ZNF423: variants seen among roughly 807,000 people sequenced by gnomAD.
The protein encoded by ZNF423 is zinc finger protein 423.
In ZNF423, 12 loss-of-function variants were observed where a neutral mutation model predicts 95.8. The ratio of observed to expected loss-of-function variants is 0.13; its 90% CI spans 0.08 to 0.20. The LOEUF (loss-of-function observed/expected upper bound fraction) is 0.20, where lower values mean the gene tolerates loss of function less well. ZNF423 is among the 10% of genes least tolerant of loss of function. ZNF423 has a pLI of 1.00. For synonymous variants in ZNF423, 749 were observed against 711.9 expected, an observed-to-expected ratio of 1.05 and a Z score of -0.83; for missense variants, 1,316 against 1,737.1, an observed-to-expected ratio of 0.76 and a Z score of 4.31.
At chr16:49,833,957 G>A (rs140038351) in intron 1 of ZNF423, among the ~76,000 whole-genome samples, 27 of 152,284 alleles carry the variant, frequency 1.8e-4, no homozygotes, top group African/African-American at 6.5e-4. Context: ...AGGATGGAGC[G>A]AGTTCCCAGC....
In ZNF423 at chr16:49,643,424, G is replaced by A. The variant is rs189994356; in HGVS notation, c.302-4550C>T. ...ACTGTTATAATTTCCATTTACAGATGAGAAAACCAGGGCACAGAGCGACTG... is the reference window on the plus strand; with the variant it reads ...ACTGTTATAATTTCCATTTACAGATAAGAAAACCAGGGCACAGAGCGACTG... On this transcript the variant is annotated intron_variant, in intron 3 of 7. Transcript: ENST00000563137. 3.2e-3 allele frequency among the ~76,000 whole-genome samples: 482 copies of A among 152,228 alleles called. 1 individual carries two copies. Among genetic ancestry groups the A allele is most frequent in the African/African-American group, 0.011 (460 of 41,542 alleles).
chr16:49,496,460 ATCTC>A (rs368708162), intron 7 of ZNF423, among the ~76,000 whole-genome samples: 1 of 151,606 alleles, frequency 6.6e-6, no homozygotes, highest in Non-Finnish European at 1.5e-5. Flanking sequence ...CCTCCTTGCA[ATCTC>A]TCTCTCTCCC....
chr16:49,839,707 C>T lies in ZNF423; in HGVS notation c.40+16028G>A, dbSNP rs78015391. On this transcript the variant is annotated intron_variant, in intron 1 of 7. Coordinates refer to ENST00000563137, the MANE Select transcript of ZNF423 (RefSeq NM_001379286.1). ...AGAACAGAGCCGGGCCCCACCCAGC[C>T]TGCTGGCTGAAGCTGCAGCCTGCAC... is the stretch of plus-strand genomic sequence containing the variant. Among the ~76,000 whole-genome samples, 57 of 152,328 alleles carry T rather than the reference C, an allele frequency of 3.7e-4. No individual in the cohort carries two copies. In the East Asian group the frequency reaches 9.3e-3, roughly 25 times the overall value.
At chr16:49,598,067 C>T (rs940109620) in intron 5 of ZNF423, among the ~76,000 whole-genome samples, 1 of 152,168 alleles carries the variant, frequency 6.6e-6, no homozygotes, top group Non-Finnish European at 1.5e-5. Context: ...TTGTCAATCA[C>T]ACACAACCTC....
At chr16:49,700,988 T>A (rs1432680237) in intron 3 of ZNF423, among the ~76,000 whole-genome samples, 1 of 152,152 alleles carries the variant, frequency 6.6e-6, no homozygotes, top group Non-Finnish European at 1.5e-5. Context: ...TAGAATTTCT[T>A]GGCCTTGGCT....
intron 5 of ZNF423, among the ~76,000 whole-genome samples, chr16:49,598,328 G>T (rs1297419407): frequency 6.6e-6 from 1 of 152,222 alleles, no homozygotes; most frequent in Admixed American, 6.5e-5. Context: ...ATAAAACTTT[G>T]AGGGAAAACT....
At position 49,855,354 on chromosome 16, in the gene ZNF423, C is replaced by T. The variant is rs2035350607; in HGVS notation, c.40+381G>A. Among the ~76,000 whole-genome samples, 1 of 149,406 alleles carries T rather than the reference C, an allele frequency of 6.7e-6. No homozygotes were observed. Among genetic ancestry groups the T allele is most frequent in the African/African-American group, 2.5e-5 (1 of 40,600 alleles). On this transcript the variant is annotated intron_variant, in intron 1 of 7. Coordinates refer to ENST00000563137, the MANE Select transcript of ZNF423 (RefSeq NM_001379286.1). This position sits in a 1 kb window ranked among gnomAD's most constrained non-coding sequence, Gnocchi z 4.7. ...GCCCGCCGCCGCCGAGATTCGCAAT[C>T]CCCGCCAAGTCGGGCCAGCACCCCT... is the stretch of plus-strand genomic sequence containing the variant.
At chr16:49,797,126 C>T (rs1349151301) in intron 1 of ZNF423, among the ~76,000 whole-genome samples, 1 of 152,062 alleles carries the variant, frequency 6.6e-6, no homozygotes, top group Non-Finnish European at 1.5e-5. Flanking sequence ...CAGGCCAAGG[C>T]CACAACAGGT....
At chr16:49,858,486 A>C (rs1393263105), upstream of ZNF423, among the ~76,000 whole-genome samples, 3 of 151,518 alleles carry the variant, frequency 2.0e-5, no homozygotes, top group Non-Finnish European at 2.9e-5. The surrounding 1 kb of genome is among the most constrained non-coding windows in gnomAD (Gnocchi z 4.3). Flanking sequence ...TCTCAGAGGT[A>C]GAGTCGGGTG....
chr16:49,816,692 G>A (rs2034860775), intron 1 of ZNF423, among the ~76,000 whole-genome samples: 1 of 152,100 alleles, frequency 6.6e-6, no homozygotes, highest in Non-Finnish European at 1.5e-5. Context: ...GCTGAGGTGG[G>A]AGGATTGCTT....
intron 3 of ZNF423, chr16:49,712,016 G>A (rs2032557730): frequency 6.6e-6 from 1 of 152,200 alleles, no homozygotes; most frequent in African/African-American, 2.4e-5. Flanking sequence ...CCAGACACCT[G>A]GGAGGCTGAG....
chr16:49,602,044 C>T (rs1395019703), intron 5 of ZNF423, among the ~76,000 whole-genome samples: 1 of 152,216 alleles, frequency 6.6e-6, no homozygotes, highest in East Asian at 1.9e-4. Context: ...AGTTGGTGCT[C>T]AATTATTGTT....
At chr16:49,528,246 C>CA (rs1968694519) in intron 5 of ZNF423, among the ~76,000 whole-genome samples, 1 of 152,124 alleles carries the variant, frequency 6.6e-6, no homozygotes, top group Admixed American at 6.5e-5. Context: ...TCATGTCTGA[C>CA]AGTCACTTTC....
intron 2 of ZNF423, among the ~76,000 whole-genome samples, chr16:49,754,954 C>T (rs1164612045): frequency 1.3e-5 from 2 of 152,192 alleles, no homozygotes; most frequent in Non-Finnish European, 2.9e-5. Flanking sequence ...ATTTCTGACT[C>T]AGGGTTTTCA....
intron 3 of ZNF423, among the ~76,000 whole-genome samples, chr16:49,699,011 T>C (rs947402645): frequency 2.0e-5 from 3 of 152,216 alleles, no homozygotes; most frequent in African/African-American, 7.2e-5. Context: ...CAAATATCAC[T>C]GTGACTAACC....
chr16:49,649,211 C>A (rs1254066183), intron 3 of ZNF423, among the ~76,000 whole-genome samples: 1 of 152,166 alleles, frequency 6.6e-6, no homozygotes, highest in African/African-American at 2.4e-5. Context: ...GAGGGTGGAG[C>A]CATGAGCCAT....
chr16:49,699,440 C>T (rs997768711), intron 3 of ZNF423, among the ~76,000 whole-genome samples: 3 of 152,328 alleles, frequency 2.0e-5, no homozygotes, highest in Admixed American at 1.3e-4. Context: ...TTTCTGGCCT[C>T]GCCTCCCTGG....
chr16:49,720,909 C>T (rs992304772), intron 3 of ZNF423, among the ~76,000 whole-genome samples: 14 of 152,332 alleles, frequency 9.2e-5, no homozygotes, highest in East Asian at 5.8e-4. Context: ...TCTCCCTGGC[C>T]GCATCATGGG....
chr16:49,527,767 G>C (rs1968669484), intron 5 of ZNF423, among the ~76,000 whole-genome samples: 1 of 152,152 alleles, frequency 6.6e-6, no homozygotes, highest in Admixed American at 6.5e-5. Context: ...CAGCCAGATG[G>C]GGGCGGTGCA....
Sources: gnomAD v4.1 joint callset for allele counts (sites outside exome capture counted in the v4.1 genomes callset) on GRCh38, gnomAD v4.1.1 for gene constraint, Gnocchi (gnomAD v3.1) non-coding constraint, MANE v1.5 for transcripts, NCBI Gene and HGNC (gene_info 2026-07-23, HGNC 2026-07-21) for gene names.